RBL1: variants seen among roughly 807,000 people sequenced by gnomAD.
RBL1 encodes the protein RB transcriptional corepressor like 1, also known as retinoblastoma-like protein 1.
Under a neutral mutation model 123.0 loss-of-function variants are expected in RBL1, and 82 were observed. That is an observed-to-expected ratio of 0.67 (90% CI 0.56 to 0.80). The LOEUF is 0.80. RBL1 is among the 30% of genes least tolerant of loss of function. RBL1 has a pLI of 0.00. For synonymous variants in RBL1, 405 were observed against 441.3 expected (o/e 0.92, Z 1.03); for missense variants, 1,171 against 1,299.6 (o/e 0.90, Z 1.52).
intron 5 of RBL1, 37 bp downstream of exon 5, chr20:37,066,956 T>G: frequency 1.3e-6 from 2 of 1,593,726 alleles, no homozygotes; most frequent in Non-Finnish European, 1.7e-6. Context: ...TTCCAAAAAC[T>G]GATAATCAGT....
At chr20:37,083,211 T>TA (rs781558562) in intron 2 of RBL1, among the ~76,000 whole-genome samples, 7 of 152,130 alleles carry the variant, frequency 4.6e-5, no homozygotes, top group Non-Finnish European at 1.0e-4. Flanking sequence ...CTCATGCCTG[T>TA]AATCTTAGCA....
intron 11 of RBL1, among the ~76,000 whole-genome samples, chr20:37,054,987 T>C (rs1392876178): frequency 6.6e-6 from 1 of 152,088 alleles, no homozygotes; most frequent in Non-Finnish European, 1.5e-5. Context: ...GAAACTCTAT[T>C]ACAATAGTTA....
At chr20:37,040,379 T>A in intron 13 of RBL1, 94 bp from the exon 14 acceptor site, 1 of 1,486,648 alleles carries the variant, frequency 6.7e-7, no homozygotes, top group Non-Finnish European at 8.9e-7. Flanking sequence ...TGAGATAAAG[T>A]CTCATTCTGT....
intron 1 of RBL1, among the ~76,000 whole-genome samples, chr20:37,090,631 G>T (rs767688852): frequency 6.6e-5 from 10 of 152,198 alleles, no homozygotes; most frequent in African/African-American, 9.6e-5. Context: ...ACAGTCATAT[G>T]CATTGCTTAA....
intron 15 of RBL1, among the ~76,000 whole-genome samples, chr20:37,035,011 G>A (rs1006730241): frequency 1.3e-5 from 2 of 151,918 alleles, no homozygotes; most frequent in African/African-American, 4.8e-5. Flanking sequence ...AATGAGGGAG[G>A]CTTTATATGC....
chr20:37,031,242 G>A (rs1001934697), intron 16 of RBL1, among the ~76,000 whole-genome samples: 19 of 151,900 alleles, frequency 1.3e-4, no homozygotes, highest in Non-Finnish European at 5.9e-5. Context: ...CACTATCAAC[G>A]GAATGAAAAG....
In RBL1 at chr20:37,063,808, G is replaced by A. The variant is rs551479215; in HGVS notation, c.897-1538C>T. 7.3e-3 allele frequency among the ~76,000 whole-genome samples: 1,102 copies of A among 151,004 alleles called. 10 individuals are homozygous for A. Among genetic ancestry groups the A allele is most frequent in the Non-Finnish European group, 0.012 (822 of 67,814 alleles). On this transcript the variant is annotated intron_variant, in intron 7 of 21. Coordinates refer to ENST00000373664, the MANE Select transcript of RBL1 (RefSeq NM_002895.5). Reference sequence around the variant, plus strand: ...ATTACAGGAGTGAGCCACCATGCCCGGCCTCTTTCTTTTTTTCTTGTTTTT... The same window carrying A: ...ATTACAGGAGTGAGCCACCATGCCCAGCCTCTTTCTTTTTTTCTTGTTTTT...
At chr20:37,069,194 C>A (rs1179565380) in intron 2 of RBL1, among the ~76,000 whole-genome samples, 1 of 152,236 alleles carries the variant, frequency 6.6e-6, no homozygotes, top group Non-Finnish European at 1.5e-5. Flanking sequence ...GCTACAACCT[C>A]CACCTCCCAG....
intron 19 of RBL1, among the ~76,000 whole-genome samples, chr20:37,012,433 G>T (rs1459822133): frequency 3.0e-4 from 46 of 150,960 alleles, no homozygotes; most frequent in Admixed American, 4.0e-4. Flanking sequence ...GCCTCTTCCC[G>T]GCCGCCATCC....
chr20:36,999,032 A>C, intron 21 of RBL1, 103 bp from the exon 22 acceptor site: 2 of 1,079,668 alleles, frequency 1.9e-6, no homozygotes, highest in Non-Finnish European at 2.7e-6. Flanking sequence ...CTCTATCCAA[A>C]TCTTAACACT....
chr20:37,012,719 G>C (rs532173453), intron 19 of RBL1, among the ~76,000 whole-genome samples: 2 of 150,628 alleles, frequency 1.3e-5, no homozygotes, highest in East Asian at 4.0e-4. Context: ...CAGGCCAGCC[G>C]CCCCGTCCGG....
intron 16 of RBL1, among the ~76,000 whole-genome samples, chr20:37,027,892 C>T (rs112452110): frequency 1.3e-5 from 2 of 152,228 alleles, no homozygotes; most frequent in African/African-American, 4.8e-5. Context: ...GTAGCTGGGA[C>T]TACAGGCATG....
chr20:37,004,189 G>T (rs562119827), intron 20 of RBL1, among the ~76,000 whole-genome samples: 16 of 151,492 alleles, frequency 1.1e-4, no homozygotes, highest in Admixed American at 3.3e-4. Flanking sequence ...TCCTCCCTCA[G>T]CCTCCCAAGT....
intron 16 of RBL1, among the ~76,000 whole-genome samples, chr20:37,024,182 T>C (rs1207337121): frequency 1.3e-5 from 2 of 152,128 alleles, no homozygotes; most frequent in Admixed American, 6.6e-5. Context: ...GCTTAAAAAC[T>C]AATTTAAGCT....
chr20:36,997,419 G>C lies in RBL1; in HGVS notation c.*1340C>G, dbSNP rs1278466783. On this transcript the variant is annotated 3_prime_UTR_variant, in exon 22 of 22. Transcript: ENST00000373664. ...AGGAGTACCCAGTGGTCAAACACTA[G>C]CAGGAAACTCATGATGCACTAACAA... 1 of 152,140 alleles carries C rather than the reference G, an allele frequency of 6.6e-6. No homozygotes were observed. The highest frequency in any genetic ancestry group is 2.4e-5 in the African/African-American group (1 of 41,444). The allele number at this position is 152,140 out of a possible 1,614,324, so 9.4% of individuals were successfully genotyped here.
rs1322546488 is a variant in RBL1 at position 37,067,016 on chromosome 20, T to A, written c.662A>T (p.Asp221Val). ...ACCTTTAAATGATGGATTTAGCAAG[T>A]CTTGTCTATTTGGGCACATAATCGC... Reference protein sequence around the residue: ...ANAIMCPNRQDLLNPSFKGLP... With the variant: ...ANAIMCPNRQVLLNPSFKGLP... Residue 221 changes from aspartate to valine, a missense_variant, in exon 5 of 22, where the codon GAC becomes GTC. By Grantham distance (152) the Asp-to-Val change is radical (BLOSUM62 -3). Transcript: ENST00000373664. 6.2e-7 allele frequency: 1 copy of A among 1,608,412 alleles called. No individual in the cohort carries two copies. Among genetic ancestry groups the A allele is most frequent in the Non-Finnish European group, 8.5e-7 (1 of 1,176,318 alleles).
chr20:37,009,825 G>A (rs1410211331), intron 19 of RBL1, among the ~76,000 whole-genome samples: 1 of 151,994 alleles, frequency 6.6e-6, no homozygotes, highest in Non-Finnish European at 1.5e-5. Context: ...GAGGCTGGGT[G>A]TGGTGAAACC....
Position 37,083,766 on chromosome 20 carries a change from T to C in RBL1, c.290+5223A>G, listed in dbSNP as rs2065495700. ...GCTGCAGTGAGCAGAGACCGTGCAT[T>C]GCACTCCAGCCTGGGCAACAGAGCA... On this transcript the variant is annotated intron_variant, in intron 2 of 21. Transcript: ENST00000373664. Among the ~76,000 whole-genome samples the C allele has an allele frequency of 5.3e-5, 8 of 151,328 alleles. No homozygotes were observed. The South Asian group carries it at 1.7e-3, about 32-fold the overall frequency.
At chr20:37,020,784 C>T (rs1231163490) in intron 17 of RBL1, 54 bp from the exon 18 acceptor site, 3 of 1,192,052 alleles carry the variant, frequency 2.5e-6, no homozygotes, top group Admixed American at 2.4e-5. Context: ...AAAAATGGCT[C>T]TGAACAAAAC....
Sources: gnomAD v4.1 joint callset for allele counts (sites outside exome capture counted in the v4.1 genomes callset) on GRCh38, gnomAD v4.1.1 for gene constraint, MANE v1.5 for transcripts, NCBI Gene and HGNC (gene_info 2026-07-23, HGNC 2026-07-21) for gene names.